Variants in PCDHGA1 observed in about 807,000 individuals in gnomAD.
PCDHGA1 encodes protocadherin gamma subfamily A, 1.
In PCDHGA1, 32 loss-of-function variants were observed where a neutral mutation model predicts 58.0. The ratio of observed to expected loss-of-function variants is 0.55; its 90% CI spans 0.42 to 0.74. The LOEUF (loss-of-function observed/expected upper bound fraction) is 0.74. Among genes scored for constraint, PCDHGA1 ranks in the 30% least tolerant of loss-of-function variants. PCDHGA1 has a pLI of 0.00. For missense variants in PCDHGA1, 1,205 were observed against 1,182.3 expected, an observed-to-expected ratio of 1.02 and a Z score of -0.28; for synonymous variants, 498 against 501.1, an observed-to-expected ratio of 0.99 and a Z score of 0.08.
chr5:141,374,413 C>G (rs773364230), intron 1 of PCDHGA1: 3 of 1,613,856 alleles, frequency 1.9e-6, no homozygotes, highest in Admixed American at 3.3e-5. Context: ...ACATCCTTGT[C>G]GAGGATAAAC....
chr5:141,365,815 A>G (rs1246985073), intron 1 of PCDHGA1: 1 of 1,613,664 alleles, frequency 6.2e-7, no homozygotes, highest in Admixed American at 1.7e-5. Context: ...CTGAAGACAC[A>G]TTTCAGGGGG....
At chr5:141,400,776 G>GT (rs1167512157) in intron 1 of PCDHGA1, 4 of 557,602 alleles carry the variant, frequency 7.2e-6, no homozygotes, top group Non-Finnish European at 1.3e-5. Flanking sequence ...CATTTGGTGC[G>GT]TTTTTTTGTC....
At chr5:141,349,405 T>C (rs1422020554) in intron 1 of PCDHGA1, among the ~76,000 whole-genome samples, 1 of 152,060 alleles carries the variant, frequency 6.6e-6, no homozygotes, top group Non-Finnish European at 1.5e-5. Context: ...GAAGCACTGG[T>C]TTCATAAAAC....
chr5:141,429,234 T>C (rs2097199038), intron 1 of PCDHGA1: 1 of 152,114 alleles, frequency 6.6e-6, no homozygotes, highest in African/African-American at 2.4e-5. Context: ...ATGATACTGC[T>C]GTCATTGAGA....
At chr5:141,494,161 T>G (rs1420295862) in intron 1 of PCDHGA1, among the ~76,000 whole-genome samples, 3 of 152,052 alleles carry the variant, frequency 2.0e-5, no homozygotes, top group African/African-American at 7.3e-5. Flanking sequence ...TGGCACGGAG[T>G]TCTAGGGGTG....
At chr5:141,382,657 C>T (rs1385150684) in intron 1 of PCDHGA1, 5 of 416,908 alleles carry the variant, frequency 1.2e-5, no homozygotes, top group Non-Finnish European at 2.1e-5. Flanking sequence ...AGTAAGGACT[C>T]ACAGCGCCGC....
intron 1 of PCDHGA1, chr5:141,333,714 G>A (rs1458680591): frequency 1.3e-5 from 2 of 154,046 alleles, no homozygotes; most frequent in African/African-American, 4.8e-5. Flanking sequence ...GATTTTTTTG[G>A]TTTTGAGATG....
Position 141,431,478 on chromosome 5 carries a change from C to T in PCDHGA1, c.2422-63329C>T, listed in dbSNP as rs1163422580. On this transcript the variant is annotated intron_variant, in intron 1 of 3. Coordinates refer to ENST00000517417, the MANE Select transcript of PCDHGA1 (RefSeq NM_018912.3). The surrounding 1 kb of genome is among the most constrained non-coding windows in gnomAD (Gnocchi z 4.8). ...GTTCTGGATGCGAACGACAACGCAC[C>T]AGCGTTTGCTCAGCCCGAGTACCGC... The T allele has an allele frequency of 6.2e-7, 1 of 1,613,748 alleles. No individual in the cohort carries two copies. The highest frequency in any genetic ancestry group is 8.5e-7 in the Non-Finnish European group (1 of 1,179,976).
chr5:141,376,207 C>T lies in PCDHGA1; in HGVS notation c.2421+43102C>T. On this transcript the variant is annotated intron_variant, in intron 1 of 3. Coordinates refer to ENST00000517417, the MANE Select transcript of PCDHGA1 (RefSeq NM_018912.3). ...TCTCCTGCGTCTTCCTGGCCTTCGT[C>T]ATCGTGCTGCTGGCGCTCAGACTGC... 1.9e-6 allele frequency: 3 copies of T among 1,614,208 alleles called. No homozygotes were observed. The African/African-American group carries it at 4.0e-5, about 22-fold the overall frequency.
chr5:141,346,998 CTCCT>C lies in PCDHGA1; in HGVS notation c.2421+13906_2421+13909del, dbSNP rs1156574062. ...GACAGGTGACACTCTTTTTTTCTTT[CTCCT>C]TCCTTCCTTCCTCTCTCTTTCCTCC... On this transcript the variant is annotated intron_variant, in intron 1 of 3. Coordinates refer to ENST00000517417, the MANE Select transcript of PCDHGA1 (RefSeq NM_018912.3). Among the ~76,000 whole-genome samples the C allele has an allele frequency of 9.1e-3, 1,371 of 151,152 alleles. 29 individuals are homozygous for C. Among genetic ancestry groups the C allele is most frequent in the African/African-American group, 0.031 (1,283 of 41,128 alleles).
chr5:141,372,863 G>T, intron 1 of PCDHGA1: 2 of 1,395,300 alleles, frequency 1.4e-6, no homozygotes, highest in Non-Finnish European at 1.9e-6. Context: ...TCAATTCATT[G>T]ATTTAGAGAT....
chr5:141,398,964 T>C lies in PCDHGA1; in HGVS notation c.2421+65859T>C, dbSNP rs768223911. 1.5e-5 allele frequency: 25 copies of C among 1,613,826 alleles called. No homozygotes were observed. In the South Asian group the frequency reaches 2.4e-4, roughly 16 times the overall value. On this transcript the variant is annotated intron_variant, in intron 1 of 3. Coordinates refer to ENST00000517417, the MANE Select transcript of PCDHGA1 (RefSeq NM_018912.3). ...AGGGCATCAACTCAGAAATTACTTA[T>C]TCCTTCTACAGAACCGGGCAAATCT...
At chr5:141,371,535 G>C (rs1389993070) in intron 1 of PCDHGA1, 1 of 1,613,716 alleles carries the variant, frequency 6.2e-7, no homozygotes, top group Non-Finnish European at 8.5e-7. Flanking sequence ...ATTTAATGGA[G>C]AAATCCTATG....
At chr5:141,492,256 A>G (rs1323720621) in intron 1 of PCDHGA1, among the ~76,000 whole-genome samples, 1 of 151,974 alleles carries the variant, frequency 6.6e-6, no homozygotes, top group Non-Finnish European at 1.5e-5. Context: ...CGGCCCACAC[A>G]AGTTGCACGG....
At chr5:141,445,284 C>A (rs2098462533) in intron 1 of PCDHGA1, among the ~76,000 whole-genome samples, 1 of 152,178 alleles carries the variant, frequency 6.6e-6, no homozygotes, top group African/African-American at 2.4e-5. Flanking sequence ...TGCATAAGTT[C>A]AGGCTTCCAT....
rs183257097 is a variant in PCDHGA1 at position 141,389,274 on chromosome 5, C to G, written c.2421+56169C>G. 189 of 1,614,032 alleles carry G rather than the reference C, an allele frequency of 1.2e-4. 1 individual carries two copies. In the East Asian group the frequency reaches 4.2e-3, roughly 36 times the overall value. On this transcript the variant is annotated intron_variant, in intron 1 of 3. Coordinates refer to ENST00000517417, the MANE Select transcript of PCDHGA1 (RefSeq NM_018912.3). ...TATAGTCCACGTGGCCGAGAACAACCCGCCTGGAGCCTCTATTTCACAAGT... is the reference window on the plus strand; with the variant it reads ...TATAGTCCACGTGGCCGAGAACAACGCGCCTGGAGCCTCTATTTCACAAGT...
chr5:141,339,869 G>A (rs752711661), intron 1 of PCDHGA1: 2 of 1,614,124 alleles, frequency 1.2e-6, no homozygotes, highest in African/African-American at 1.3e-5. Context: ...AACATCTGGA[G>A]AACTGACAAT....
chr5:141,491,542 G>T lies in PCDHGA1; in HGVS notation c.2422-3265G>T, dbSNP rs112433306. The T allele has an allele frequency of 6.2e-7, 1 of 1,613,898 alleles. No homozygotes were observed. Among genetic ancestry groups the T allele is most frequent in the Admixed American group, 1.7e-5 (1 of 60,006 alleles). On this transcript the variant is annotated intron_variant, in intron 1 of 3. Transcript: ENST00000517417. This position sits in a 1 kb window ranked among gnomAD's most constrained non-coding sequence, Gnocchi z 6.9. ...CATGGAGGTGACGCTGCGGCCCACA[G>T]ACTCGCAGAGCCACTGCTACAGGAC...
At chr5:141,413,257 T>A (rs777964429) in intron 1 of PCDHGA1, 1 of 1,613,836 alleles carries the variant, frequency 6.2e-7, no homozygotes, top group African/African-American at 1.3e-5. Flanking sequence ...CGGGATTCCA[T>A]GGGAGGCTGG....
Sources: gnomAD v4.1 joint callset for allele counts (sites outside exome capture counted in the v4.1 genomes callset) on GRCh38, gnomAD v4.1.1 for gene constraint, Gnocchi (gnomAD v3.1) non-coding constraint, MANE v1.5 for transcripts, NCBI Gene and HGNC (gene_info 2026-07-23, HGNC 2026-07-21) for gene names.